The following SOS1 variants were observed in gnomAD, a reference collection of about 807,000 sequenced individuals.
SOS1 encodes the protein SOS Ras/Rac guanine nucleotide exchange factor 1, also known as son of sevenless homolog 1.
Under a neutral mutation model 157.6 loss-of-function variants are expected in SOS1, and 25 were observed. That is an observed-to-expected ratio of 0.16 (90% CI 0.12 to 0.22). The LOEUF (loss-of-function observed/expected upper bound fraction) is 0.22, where lower values mean the gene tolerates loss of function less well. SOS1 is among the 10% of genes least tolerant of loss of function. The pLI is 1.00. For missense variants in SOS1, 1,237 were observed against 1,599.1 expected (o/e 0.77, Z 3.86); for synonymous variants, 528 against 534.0 (o/e 0.99, Z 0.16).
chr2:39,054,691 A>G lies in SOS1; in HGVS notation c.643T>C (p.Tyr215His), dbSNP rs730881039. ...VKAFMAEIRQYIRELNLIIKV... is the reference protein window; with the variant it reads ...VKAFMAEIRQHIRELNLIIKV... Reference sequence around the variant, plus strand: ...ATAATTAGATTTAGTTCCCTTATATATTGTCGAATTTCTGCCATAAATGCT... The same window carrying G: ...ATAATTAGATTTAGTTCCCTTATATGTTGTCGAATTTCTGCCATAAATGCT... Residue 215 changes from tyrosine (Y) to histidine (H), a missense_variant, in exon 5 of 23, where the codon TAT becomes CAT. Tyr to His is a moderately conservative substitution (Grantham distance 83). This residue lies in a region of SOS1 where 108 missense variants were observed against 115.3 expected (regional missense o/e 0.94). Coordinates refer to ENST00000402219, the MANE Select transcript of SOS1 (RefSeq NM_005633.4). The G allele has an allele frequency of 2.3e-5, 37 of 1,599,528 alleles. No homozygotes were observed. The Middle Eastern group carries it at 1.3e-3, about 57-fold the overall frequency.
chr2:38,993,456 CAGCCCAA>C (rs1485390732), intron 20 of SOS1: 1 of 152,182 alleles, frequency 6.6e-6, no homozygotes, highest in East Asian at 1.9e-4. Context: ...ACACCATGCC[CAGCCCAA>C]ATATACTTTA....
intron 8 of SOS1, among the ~76,000 whole-genome samples, chr2:39,027,436 C>T (rs1184207208): frequency 2.0e-5 from 3 of 152,328 alleles, no homozygotes; most frequent in Middle Eastern, 3.4e-3. Context: ...ACCTTTATAG[C>T]ATTAGGCAAG....
intron 1 of SOS1, among the ~76,000 whole-genome samples, chr2:39,095,316 T>C (rs1210248158): frequency 1.3e-5 from 2 of 152,066 alleles, no homozygotes; most frequent in Admixed American, 6.5e-5. Context: ...GAGACTCCAG[T>C]TTGAGAAACT....
intron 12 of SOS1, 152 bp from the exon 13 acceptor site, chr2:39,013,715 T>C (rs1174210932): frequency 3.5e-5 from 31 of 876,414 alleles, no homozygotes; most frequent in African/African-American, 5.0e-5. Flanking sequence ...TTAAGGCTTA[T>C]ACTATAATTT....
chr2:39,048,879 T>G (rs1327442686), intron 6 of SOS1, among the ~76,000 whole-genome samples: 1 of 152,160 alleles, frequency 6.6e-6, no homozygotes, highest in Non-Finnish European at 1.5e-5. Flanking sequence ...TCCATCACTC[T>G]TTGTCTGGAA....
rs869178369 is a variant in SOS1 at position 39,069,190 on chromosome 2, C to CAAA, written c.88-1440_88-1438dup. Among the ~76,000 whole-genome samples the CAAA allele has an allele frequency of 5.3e-4, 25 of 46,758 alleles. 2 individuals are homozygous for CAAA. The highest frequency in any genetic ancestry group is 6.7e-4 in the Non-Finnish European group (17 of 25,244). 30.7% of individuals were successfully genotyped at this position (46,758 alleles called of 152,430 possible). A position where few individuals can be genotyped will look rare whatever the true frequency, so the allele number is the denominator to read the frequency against. ...GGGAAAACCTGTCTCTACCAAAAAG[C>CAAA]AAAAAAAAAAAAAAAAAAAAAAAAA... is the stretch of plus-strand genomic sequence containing the variant. On this transcript the variant is annotated intron_variant, in intron 1 of 22. Coordinates refer to ENST00000402219, the MANE Select transcript of SOS1 (RefSeq NM_005633.4).
At chr2:39,090,234 G>A (rs757563331) in intron 1 of SOS1, among the ~76,000 whole-genome samples, 9 of 151,816 alleles carry the variant, frequency 5.9e-5, no homozygotes, top group Non-Finnish European at 1.0e-4. Context: ...CCTAGGGCTA[G>A]TTTAGTTCAA....
upstream of SOS1, chr2:39,121,121 T>G (rs972044400): frequency 4.6e-5 from 7 of 153,374 alleles, no homozygotes; most frequent in East Asian, 3.9e-4. Flanking sequence ...GGAGGAAAGC[T>G]CGAGAGAGAA....
At chr2:39,061,378 TTTC>T (rs1671397118) in intron 2 of SOS1, among the ~76,000 whole-genome samples, 1 of 152,130 alleles carries the variant, frequency 6.6e-6, no homozygotes, top group Non-Finnish European at 1.5e-5. Flanking sequence ...ACACTTTATA[TTTC>T]TTTACTTTTT....
At chr2:39,108,785 T>A (rs1296957147) in intron 1 of SOS1, among the ~76,000 whole-genome samples, 2 of 151,952 alleles carry the variant, frequency 1.3e-5, no homozygotes, top group Non-Finnish European at 1.5e-5. Context: ...CCTAGCTACC[T>A]GGGAGGCTGA....
intron 1 of SOS1, among the ~76,000 whole-genome samples, chr2:39,117,822 T>G (rs1047580993): frequency 6.6e-6 from 1 of 152,062 alleles, no homozygotes; most frequent in African/African-American, 2.4e-5. Flanking sequence ...TCTACCTGAG[T>G]GTGCACAGTA....
At chr2:39,103,285 T>C (rs1673042208) in intron 1 of SOS1, among the ~76,000 whole-genome samples, 1 of 152,142 alleles carries the variant, frequency 6.6e-6, no homozygotes. Flanking sequence ...CAAAATCTTT[T>C]CTTGCAGAAA....
rs137852813 is a variant in SOS1, at chr2:39,051,202, A to G, written c.806T>C (p.Met269Thr). The change falls in exon 6 of 23, where the codon ATG becomes ACG. Residue 269 changes from methionine (M) to threonine (T), a missense_variant. Physicochemically the swap from Met to Thr is moderately conservative, Grantham distance 81. Coordinates refer to ENST00000402219, the MANE Select transcript of SOS1 (RefSeq NM_005633.4). ...LLGHIEDTVEMTDEGSPHPLV... is the reference protein window; with the variant it reads ...LLGHIEDTVETTDEGSPHPLV... ...TGGATGGGGACTGCCTTCATCTGTC[A>G]TTTCTACTGTATCTTCTATATGGCC... is the stretch of plus-strand genomic sequence containing the variant. The G allele has an allele frequency of 2.5e-6, 4 of 1,613,600 alleles. No individual in the cohort carries two copies. Among genetic ancestry groups the G allele is most frequent in the East Asian group, 2.2e-5 (1 of 44,838 alleles).
At chr2:39,038,865 G>A (rs1187630292) in intron 6 of SOS1, among the ~76,000 whole-genome samples, 3 of 152,018 alleles carry the variant, frequency 2.0e-5, no homozygotes, top group Non-Finnish European at 4.4e-5. Context: ...GAGTTTGAGA[G>A]GATTGACTCC....
chr2:39,032,682 T>A (rs1024383738), intron 8 of SOS1, among the ~76,000 whole-genome samples: 2 of 152,150 alleles, frequency 1.3e-5, no homozygotes, highest in Non-Finnish European at 2.9e-5. Flanking sequence ...GAACTCACTC[T>A]GGGCATGATG....
chr2:39,100,254 A>C (rs189920837), intron 1 of SOS1, among the ~76,000 whole-genome samples: 45 of 152,322 alleles, frequency 3.0e-4, no homozygotes, highest in Admixed American at 7.2e-4. Flanking sequence ...GGAAAACAGT[A>C]ATGGAGGTTC....
chr2:39,012,394 AATATTTT>A, intron 13 of SOS1, 46 bp from the exon 14 acceptor site: 1 of 852,186 alleles, frequency 1.2e-6, no homozygotes, highest in Non-Finnish European at 1.7e-6. Context: ...TTCTTTATTT[AATATTTT>A]ATATTTTAAA....
chr2:39,080,605 A>G (rs1672166726), intron 1 of SOS1, among the ~76,000 whole-genome samples: 1 of 152,260 alleles, frequency 6.6e-6, no homozygotes, highest in Admixed American at 6.5e-5. Flanking sequence ...TACAAAACAT[A>G]AACAGTATAT....
intron 2 of SOS1, among the ~76,000 whole-genome samples, chr2:39,059,120 G>A (rs1350299480): frequency 6.6e-6 from 1 of 151,944 alleles, no homozygotes; most frequent in East Asian, 1.9e-4. Flanking sequence ...AAAATTTCAA[G>A]GAACAACACC....
Sources: allele counts gnomAD v4.1 joint callset (sites outside exome capture counted in the v4.1 genomes callset), GRCh38; gene constraint gnomAD v4.1.1; regional missense constraint gnomAD v4.1.1; transcripts MANE v1.5; gene names NCBI Gene and HGNC (gene_info 2026-07-23, HGNC 2026-07-21).